DACH2: variants seen among roughly 807,000 people sequenced by gnomAD.
DACH2 encodes dachshund homolog 2.
DACH2 carries 17 observed loss-of-function variants against 35.8 expected under a neutral mutation model. The observed-to-expected ratio is 0.48, with a 90% CI of 0.33 to 0.71. The LOEUF is 0.71. Ranked by LOEUF, DACH2 falls within the 30% of genes least tolerant of loss-of-function variation. The pLI, the probability that DACH2 is intolerant of heterozygous loss-of-function variation, is 0.02. For synonymous variants in DACH2, 195 were observed against 177.3 expected (o/e 1.10, Z -0.79); for missense variants, 469 against 472.7 (o/e 0.99, Z 0.07).
rs186484084 is a variant in DACH2 at position 86,197,111 on chromosome X, A to T, written c.488+48003A>T. Among the ~76,000 whole-genome samples, 836 of 112,117 alleles carry T rather than the reference A, an allele frequency of 7.5e-3. 8 individuals are homozygous for T. Among genetic ancestry groups the T allele is most frequent in the Middle Eastern group, 9.1e-3 (2 of 219 alleles). On this transcript the variant is annotated intron_variant, in intron 1 of 11. Transcript: ENST00000373125. ...AAGAGATTGGTTGCCAATATTCAAC[A>T]TTCTTAAATAAAAGAAATTCCAACC...
At chrX:86,595,059 G>C (rs1381537348) in intron 3 of DACH2, among the ~76,000 whole-genome samples, 1 of 110,788 alleles carries the variant, frequency 9.0e-6, no homozygotes, top group Non-Finnish European at 1.9e-5. Flanking sequence ...TTTTGGTTCT[G>C]AAAGTTTCAT....
At chrX:86,210,183 C>A (rs2032412241) in intron 1 of DACH2, among the ~76,000 whole-genome samples, 2 of 111,414 alleles carry the variant, frequency 1.8e-5, no homozygotes, top group Non-Finnish European at 3.8e-5. Flanking sequence ...GGCTGACTGG[C>A]ATAACACAAC....
intron 2 of DACH2, among the ~76,000 whole-genome samples, chrX:86,490,441 C>T (rs2038078622): frequency 9.0e-6 from 1 of 111,174 alleles, no homozygotes; most frequent in Non-Finnish European, 1.9e-5. Context: ...TCACTGGTAT[C>T]ATAATCTGGA....
In DACH2 at chrX:86,341,577, G is replaced by A. The variant is rs149001657; in HGVS notation, c.489-35247G>A. Among the ~76,000 whole-genome samples the A allele has an allele frequency of 1.2e-4, 14 of 112,154 alleles. No individual in the cohort carries two copies. In the East Asian group the frequency reaches 3.7e-3, roughly 29 times the overall value. ...AGCCCATGGATCAAGGAACAATTTC[G>A]ATGTTCAAGTCTCTTTTTCTAAGGA... On this transcript the variant is annotated intron_variant, in intron 1 of 11. Coordinates refer to ENST00000373125, the MANE Select transcript of DACH2 (RefSeq NM_053281.3).
At chrX:86,796,144 TG>T (rs1428910515) in intron 7 of DACH2, among the ~76,000 whole-genome samples, 2 of 111,674 alleles carry the variant, frequency 1.8e-5, no homozygotes, top group Non-Finnish European at 3.8e-5. Context: ...TACAGATTGC[TG>T]ATTGGTCCGT....
chrX:86,172,770 C>A (rs987372841), intron 1 of DACH2, among the ~76,000 whole-genome samples: 2 of 111,550 alleles, frequency 1.8e-5, no homozygotes, highest in Non-Finnish European at 3.8e-5. Flanking sequence ...AGAAGCACTA[C>A]ACAGGAATTT....
chrX:86,198,379 C>A (rs1448618651), intron 1 of DACH2, among the ~76,000 whole-genome samples: 2 of 110,793 alleles, frequency 1.8e-5, no homozygotes, highest in African/African-American at 6.6e-5. Context: ...GAAAACCAAG[C>A]CCAGAAAACC....
chrX:86,181,526 T>C (rs2031495356), intron 1 of DACH2, among the ~76,000 whole-genome samples: 2 of 111,781 alleles, frequency 1.8e-5, no homozygotes, highest in African/African-American at 6.5e-5. Flanking sequence ...CATCCTTTTT[T>C]ATGGCTGCAT....
intron 1 of DACH2, among the ~76,000 whole-genome samples, chrX:86,187,622 C>T (rs757904827): frequency 1.6e-4 from 18 of 110,657 alleles, no homozygotes; most frequent in Non-Finnish European, 2.8e-4. Context: ...GACAGGGTTT[C>T]GCCGTGTTGG....
At chrX:86,791,935 A>G (rs1370925772) in intron 7 of DACH2, among the ~76,000 whole-genome samples, 1 of 111,922 alleles carries the variant, frequency 8.9e-6, no homozygotes, top group Non-Finnish European at 1.9e-5. Context: ...ATTACTGATA[A>G]AGCATATAAA....
chrX:86,285,888 G>A (rs2147990173), intron 1 of DACH2, among the ~76,000 whole-genome samples: 1 of 110,824 alleles, frequency 9.0e-6, no homozygotes, highest in African/African-American at 3.3e-5. Context: ...TTTTCTTGCT[G>A]AATTGACTCC....
chrX:86,578,114 G>C (rs1332390644), intron 3 of DACH2, among the ~76,000 whole-genome samples: 1 of 111,137 alleles, frequency 9.0e-6, no homozygotes, highest in Non-Finnish European at 1.9e-5. Context: ...CTTGATTGGT[G>C]TCTGGTGGAG....
At chrX:86,470,861 G>T (rs924204536) in intron 2 of DACH2, among the ~76,000 whole-genome samples, 8 of 110,996 alleles carry the variant, frequency 7.2e-5, no homozygotes, top group Admixed American at 1.9e-4. Context: ...CATTAGTCTA[G>T]CCCTTTGCTA....
chrX:86,691,258 T>C (rs926058847), intron 4 of DACH2, among the ~76,000 whole-genome samples: 5 of 111,512 alleles, frequency 4.5e-5, no homozygotes, highest in Non-Finnish European at 9.4e-5. Context: ...ATTCAGATAT[T>C]GAAGCCCTAA....
At chrX:86,395,656 C>A (rs969688656) in intron 2 of DACH2, among the ~76,000 whole-genome samples, 11 of 110,896 alleles carry the variant, frequency 9.9e-5, no homozygotes, top group Non-Finnish European at 1.5e-4. Context: ...TTTGTCCTTG[C>A]GATAGTTTGC....
chrX:86,714,388 CAATAT>C (rs2041311978), intron 5 of DACH2, among the ~76,000 whole-genome samples, 155 bp from the exon 6 acceptor site: 1 of 111,297 alleles, frequency 9.0e-6, no homozygotes, highest in Non-Finnish European at 1.9e-5. Flanking sequence ...AATGATTAAA[CAATAT>C]AAAATAACAC....
intron 1 of DACH2, among the ~76,000 whole-genome samples, chrX:86,366,868 G>A (rs746430664): frequency 9.1e-6 from 1 of 110,362 alleles, no homozygotes; most frequent in Non-Finnish European, 1.9e-5. Context: ...ATAAGCTTCT[G>A]GAGGCCTCAC....
chrX:86,752,248 C>T (rs1237478189), intron 7 of DACH2, among the ~76,000 whole-genome samples: 3 of 111,377 alleles, frequency 2.7e-5, no homozygotes, highest in Non-Finnish European at 5.7e-5. Flanking sequence ...TCTAATTTCT[C>T]AACATCCTTT....
chrX:86,512,986 G>A (rs749758836), intron 2 of DACH2: 142 of 318,856 alleles, frequency 4.5e-4, no homozygotes, highest in Non-Finnish European at 8.1e-4. Flanking sequence ...AATCTTTTGC[G>A]CTAGATTGAT....
Sources: gnomAD v4.1 joint callset for allele counts (sites outside exome capture counted in the v4.1 genomes callset) on GRCh38, gnomAD v4.1.1 for gene constraint, MANE v1.5 for transcripts, NCBI Gene and HGNC (gene_info 2026-07-23, HGNC 2026-07-21) for gene names.